Variants in SAMD11 observed in about 807,000 individuals in gnomAD.
SAMD11 encodes the protein sterile alpha motif domain containing 11, also known as sterile alpha motif domain-containing protein 11.
A neutral mutation model predicts 64.4 loss-of-function variants in SAMD11; 77 were observed. The observed-to-expected ratio is 1.20, with a 90% CI of 0.99 to 1.44. SAMD11 has a LOEUF of 1.44. Ranked by LOEUF, SAMD11 falls within the 40% of genes most tolerant of loss-of-function variation. The pLI is 0.00. For missense variants in SAMD11, 1,402 were observed against 943.3 expected, an observed-to-expected ratio of 1.49 and a Z score of -6.37; for synonymous variants, 658 against 421.9, an observed-to-expected ratio of 1.56 and a Z score of -6.86.
rs1371974902 is a variant in SAMD11 at position 924,126 on chromosome 1, C to G, written c.-306C>G. 1.3e-5 allele frequency: 2 copies of G among 149,568 alleles called. No homozygotes were observed. The highest frequency in any genetic ancestry group is 2.4e-5 in the African/African-American group (1 of 41,130). The allele number at this position is 149,568 out of a possible 1,614,324, so 9.3% of individuals were successfully genotyped here. ...TGCCCCGGGCGCGGGCGCTGGTGGC[C>G]GGGGCGCGGGACTCCAGACGCCCCG... On this transcript the variant is annotated 5_prime_UTR_variant, in exon 1 of 14. Transcript: ENST00000616016.
Position 935,823 on chromosome 1 carries a change from CCT to C in SAMD11, c.896_897del (p.Leu299ArgfsTer10). 1 of 1,613,502 alleles carries C rather than the reference CCT, an allele frequency of 6.2e-7. No individual in the cohort carries two copies. Among genetic ancestry groups the C allele is most frequent in the Non-Finnish European group, 8.5e-7 (1 of 1,179,910 alleles). The part of the protein sequence containing the change: ...LISSVHRSRH[L>X]VMPEHQSRCE... ...TATCCAGCGTCCACCGCAGCCGCCACCTCGTTATGCCCGAGCATCAGAGCCGC... is the reference window on the plus strand; with the variant it reads ...TATCCAGCGTCCACCGCAGCCGCCACCGTTATGCCCGAGCATCAGAGCCGC... On this transcript the variant is annotated frameshift_variant, in exon 5 of 14. Coordinates refer to ENST00000616016, the MANE Select transcript of SAMD11 (RefSeq NM_001385641.1). LOFTEE classifies it high-confidence loss of function.
rs769518792 is a variant in SAMD11 at position 925,909 on chromosome 1, G to A, written c.518-13G>A. On this transcript the variant is annotated splice_polypyrimidine_tract_variant and intron_variant, in intron 1 of 13. Transcript: ENST00000616016. The stretch of plus-strand genomic sequence containing the variant: ...CCGCTCCCTCACAGGGTCTGCCTCG[G>A]CTCTGCTCGCAGGGAAAAGTCTGAA... The A allele has an allele frequency of 1.1e-5, 17 of 1,597,576 alleles. No homozygotes were observed. The highest frequency in any genetic ancestry group is 1.3e-5 in the Non-Finnish European group (15 of 1,168,308).
chr1:942,234 C>T lies in SAMD11; in HGVS notation c.1457C>T (p.Ala486Val), dbSNP rs749139697. The change falls in exon 9 of 14, where the codon GCT becomes GTT. Residue 486 changes from alanine (A) to valine (V), a missense_variant. By Grantham distance (64) the Ala-to-Val change is moderately conservative. Coordinates refer to ENST00000616016, the MANE Select transcript of SAMD11 (RefSeq NM_001385641.1). ...LRPPFLGVPS[A>V]LCQTPGYGFL... is the part of the protein sequence containing the mutation. ...CCCCCCTTCCTGGGGGTGCCCTCGG[C>T]TCTGTGCCAGACCCCAGGTGAGGAG... is the stretch of plus-strand genomic sequence containing the variant. 7.5e-6 allele frequency: 10 copies of T among 1,341,102 alleles called. No homozygotes were observed. Among genetic ancestry groups the T allele is most frequent in the South Asian group, 3.6e-5 (2 of 56,026 alleles). The allele number at this position is 1,341,102 out of a possible 1,614,324, so 83.1% of individuals were successfully genotyped here.
Position 941,235 on chromosome 1 carries a change from G to A in SAMD11, c.1287G>A (p.Gln429=), listed in dbSNP as rs886252216. Residue 429 remains glutamine (Q), a synonymous_variant, in exon 8 of 14, where the codon CAG becomes CAA. Coordinates refer to ENST00000616016, the MANE Select transcript of SAMD11 (RefSeq NM_001385641.1). ...ACCTGCCCTCCTCCACGGCAGGTCA[G>A]CGTCGGAAGCAGGGCCTGGCTCAGC... ...EAHLPSSTAG[Q]RRKQGLAQHR... The A allele has an allele frequency of 6.2e-7, 1 of 1,601,732 alleles. No homozygotes were observed. The highest frequency in any genetic ancestry group is 1.3e-5 in the African/African-American group (1 of 74,834).
intron 4 of SAMD11, among the ~76,000 whole-genome samples, chr1:932,232 C>T (rs1429104018): frequency 2.0e-5 from 3 of 152,324 alleles, no homozygotes; most frequent in South Asian, 2.1e-4. Context: ...CATTTGTCAG[C>T]GAGGCCTGTA....
At position 939,149 on chromosome 1, in the gene SAMD11, G is replaced by T. The variant is rs201264848; in HGVS notation, c.1057+20G>T. ...CTCAAGGTAAGAGCGTGGCTGGGAC[G>T]AGAGACAGGTCACCAGGGGAGGGGG... On this transcript the variant is annotated intron_variant, in intron 6 of 13. Coordinates refer to ENST00000616016, the MANE Select transcript of SAMD11 (RefSeq NM_001385641.1). 1.9e-6 allele frequency: 3 copies of T among 1,568,150 alleles called. No individual in the cohort carries two copies. Among genetic ancestry groups the T allele is most frequent in the Non-Finnish European group, 2.6e-6 (3 of 1,155,704 alleles).
chr1:935,074 C>T (rs564983820), intron 4 of SAMD11, among the ~76,000 whole-genome samples: 1 of 152,008 alleles, frequency 6.6e-6, no homozygotes, highest in African/African-American at 2.4e-5. Context: ...GTGCTCCACA[C>T]AGTTCGTCTC....
chr1:935,922 CG>C, intron 5 of SAMD11, 26 bp downstream of exon 5: 2 of 1,606,798 alleles, frequency 1.2e-6, no homozygotes, highest in Non-Finnish European at 1.7e-6. Context: ...GGCCTGAGGG[CG>C]GGGTCGGGGC....
At chr1:927,769 C>G (rs1259033751) in intron 2 of SAMD11, among the ~76,000 whole-genome samples, 1 of 152,254 alleles carries the variant, frequency 6.6e-6, no homozygotes, top group Non-Finnish European at 1.5e-5. Flanking sequence ...GTTTTCAGAT[C>G]TGTGTGCTGT....
intron 4 of SAMD11, among the ~76,000 whole-genome samples, chr1:935,427 G>A (rs1303587710): frequency 2.7e-5 from 3 of 113,152 alleles, no homozygotes; most frequent in Non-Finnish European, 4.5e-5. Context: ...CTTCCCGGGC[G>A]CCCGGTGGGC....
Position 944,216 on chromosome 1 carries a change from C to A in SAMD11, c.*63C>A. 1 of 1,478,324 alleles carries A rather than the reference C, an allele frequency of 6.8e-7. No homozygotes were observed. The highest frequency in any genetic ancestry group is 2.4e-5 in the East Asian group (1 of 41,532). The allele number at this position is 1,478,324 out of a possible 1,614,324, so 91.6% of individuals were successfully genotyped here. ...AGGAGCCACCACTCAACACAATGGC[C>A]CTGCCTCCCACCGCTTTATTTCTTT... On this transcript the variant is annotated 3_prime_UTR_variant, in exon 14 of 14. Transcript: ENST00000616016.
At chr1:932,306 C>T (rs919575579) in intron 4 of SAMD11, among the ~76,000 whole-genome samples, 1 of 152,206 alleles carries the variant, frequency 6.6e-6, no homozygotes, top group Non-Finnish European at 1.5e-5. Context: ...CTGCAGCCCC[C>T]TCCTCCGTCT....
chr1:931,125 G>A (rs369369620), intron 4 of SAMD11, 36 bp downstream of exon 4: 40 of 1,550,484 alleles, frequency 2.6e-5, no homozygotes, highest in South Asian at 6.7e-5. Flanking sequence ...AGAGGGGGCC[G>A]TGACTCCCCT....
intron 5 of SAMD11, among the ~76,000 whole-genome samples, chr1:936,861 G>A (rs979510449): frequency 6.6e-6 from 1 of 152,182 alleles, no homozygotes; most frequent in Admixed American, 6.5e-5. Context: ...AGAGCGGAGG[G>A]AGCCCCACAA....
intron 8 of SAMD11, among the ~76,000 whole-genome samples, chr1:941,616 A>T (rs905336467): frequency 6.6e-6 from 1 of 151,614 alleles, no homozygotes; most frequent in Non-Finnish European, 1.5e-5. Flanking sequence ...CTGGAGGCGG[A>T]GGGGGGGTCC....
chr1:927,523 A>G (rs1640951667), intron 2 of SAMD11, among the ~76,000 whole-genome samples: 1 of 152,126 alleles, frequency 6.6e-6, no homozygotes, highest in Admixed American at 6.5e-5. Context: ...AGTCCCTCCC[A>G]GGCCTGTCCC....
At chr1:928,834 A>G (rs1367410073) in intron 2 of SAMD11, among the ~76,000 whole-genome samples, 1 of 152,234 alleles carries the variant, frequency 6.6e-6, no homozygotes, top group Non-Finnish European at 1.5e-5. Context: ...GGGAGGGGGC[A>G]CTGCCCAAAC....
At chr1:930,956 C>T in intron 3 of SAMD11, 83 bp from the exon 4 acceptor site, 1 of 1,381,772 alleles carries the variant, frequency 7.2e-7, no homozygotes, top group Non-Finnish European at 1.0e-6. Context: ...TGACCCGAGA[C>T]AGGTCTGCGC....
intron 8 of SAMD11, 36 bp from the exon 9 acceptor site, chr1:942,099 GC>G: frequency 1.6e-6 from 1 of 619,380 alleles, no homozygotes; most frequent in East Asian, 3.4e-5. Context: ...GGGAACGGGG[GC>G]GGGGGGGACG....
Sources: allele counts gnomAD v4.1 joint callset (sites outside exome capture counted in the v4.1 genomes callset), GRCh38; gene constraint gnomAD v4.1.1; transcripts MANE v1.5; gene names NCBI Gene and HGNC (gene_info 2026-07-23, HGNC 2026-07-21).